LRP1: variants seen among roughly 807,000 people sequenced by gnomAD.
LRP1 encodes LDL receptor related protein 1, also known as prolow-density lipoprotein receptor-related protein 1.
A neutral mutation model predicts 541.5 loss-of-function variants in LRP1; 51 were observed. The observed-to-expected ratio is 0.09, with a 90% CI of 0.08 to 0.12. LRP1 has a LOEUF of 0.12. LRP1 is among the 10% of genes least tolerant of loss of function. The pLI is 1.00. For missense variants in LRP1, 3,878 were observed against 6,376.2 expected (o/e 0.61, Z 13.34); for synonymous variants, 2,219 against 2,470.8 (o/e 0.90, Z 3.02).
At chr12:57,202,379 C>T in intron 67 of LRP1, 42 bp from the exon 68 acceptor site, 2 of 1,452,856 alleles carry the variant, frequency 1.4e-6, no homozygotes, top group Non-Finnish European at 1.9e-6. Flanking sequence ...TAATGTCTGC[C>T]CCAGCCCTTT....
Position 57,149,470 on chromosome 12 carries a change from C to T in LRP1, c.841+3980C>T, listed in dbSNP as rs76059164. 1,735 of 603,736 alleles carry T rather than the reference C, an allele frequency of 2.9e-3. 17 individuals carry two copies. The highest frequency in any genetic ancestry group is 0.028 in the African/African-American group (1,524 of 54,070). 37.4% of individuals were successfully genotyped at this position (603,736 alleles called of 1,614,324 possible). On this transcript the variant is annotated intron_variant, in intron 6 of 88. Coordinates refer to ENST00000243077, the MANE Select transcript of LRP1 (RefSeq NM_002332.3). ...CTCTCCACCCAGACTGCTCCCAGCA[C>T]TCCCCTTGCTGTTTTCAAGCCAAAG...
In LRP1 at chr12:57,154,600, C is replaced by A; in HGVS notation, c.1126C>A (p.Leu376Met). The change falls in exon 8 of 89, where the codon CTG (leucine) becomes ATG (methionine). Residue 376 changes from leucine to methionine, a missense_variant. This residue lies in a region of LRP1 where 496 missense variants were observed against 861.0 expected (regional missense o/e 0.58). Coordinates refer to ENST00000243077, the MANE Select transcript of LRP1 (RefSeq NM_002332.3). The surrounding 1 kb of genome is among the most constrained non-coding windows in gnomAD (Gnocchi z 4.6). ...IVFPHGITLD[L>M]VSRLVYWADA... is the part of the protein sequence containing the mutation. ...GTTTCCTCATGGCATCACGCTGGAC[C>A]TGGTCAGCCGCCTTGTCTACTGGGC... 6.2e-7 allele frequency: 1 copy of A among 1,612,476 alleles called. No individual in the cohort carries two copies. Among genetic ancestry groups the A allele is most frequent in the Non-Finnish European group, 8.5e-7 (1 of 1,179,244 alleles).
intron 1 of LRP1, among the ~76,000 whole-genome samples, chr12:57,132,929 C>T (rs1010166476): frequency 2.0e-5 from 3 of 152,176 alleles, no homozygotes; most frequent in Non-Finnish European, 4.4e-5. Flanking sequence ...CAGTTCAGCA[C>T]CAAAAGTTTC....
In LRP1 at chr12:57,204,352, G is replaced by A. The variant is rs1003869092; in HGVS notation, c.10952-58G>A. On this transcript the variant is annotated intron_variant, in intron 70 of 88. Transcript: ENST00000243077. The surrounding 1 kb of genome is among the most constrained non-coding windows in gnomAD (Gnocchi z 5.3). ...TGAGCCTGGAACCCCCACCTGTGGA[G>A]ACAGGGGTCTGGGTGGGCTCATGGC... The A allele has an allele frequency of 1.5e-4, 219 of 1,467,804 alleles. No individual in the cohort carries two copies. Among genetic ancestry groups the A allele is most frequent in the Non-Finnish European group, 1.9e-4 (209 of 1,108,260 alleles). The allele number at this position is 1,467,804 out of a possible 1,614,324, so 90.9% of individuals were successfully genotyped here. A position where few individuals can be genotyped will look rare whatever the true frequency, so the allele number is the denominator to read the frequency against.
rs774125002 is a variant in LRP1, at chr12:57,201,663, G to A, written c.10468+44G>A. ...AGCCCAGCTTCCCTCCCCAGTGTCT[G>A]CTGCTCACACCACCCCGACGTGTGA... On this transcript the variant is annotated intron_variant, in intron 66 of 88. Transcript: ENST00000243077. This position sits in a 1 kb window ranked among gnomAD's most constrained non-coding sequence, Gnocchi z 6.4. 17 of 1,601,664 alleles carry A rather than the reference G, an allele frequency of 1.1e-5. No individual in the cohort carries two copies. Among genetic ancestry groups the A allele is most frequent in the Non-Finnish European group, 1.5e-5 (17 of 1,171,304 alleles).
chr12:57,208,295 T>G (rs2036831138), intron 77 of LRP1, 79 bp downstream of exon 77: 1 of 1,450,474 alleles, frequency 6.9e-7, no homozygotes, highest in Non-Finnish European at 9.4e-7. Flanking sequence ...TGCACCCACA[T>G]GCGTGCCCTT....
chr12:57,211,767 C>T lies in LRP1; in HGVS notation c.13211C>T (p.Thr4404Ile). 2 of 1,613,268 alleles carry T rather than the reference C, an allele frequency of 1.2e-6. No homozygotes were observed. Among genetic ancestry groups the T allele is most frequent in the Non-Finnish European group, 1.7e-6 (2 of 1,179,974 alleles). ...TTCTGCAGGTGCCCACCCCACATGACAGGGCCCCGGTGTGAGGAGCACGTC... is the reference window on the plus strand; with the variant it reads ...TTCTGCAGGTGCCCACCCCACATGATAGGGCCCCGGTGTGAGGAGCACGTC... ...MPECQCPPHM[T>I]GPRCEEHVFS... Residue 4404 changes from threonine (T) to isoleucine (I), a missense_variant, in exon 86 of 89, where the codon ACA (threonine) becomes ATA (isoleucine). Physicochemically the swap from Thr to Ile is moderately conservative, Grantham distance 89. This residue lies in a region of LRP1 where 871 missense variants were observed against 1,212.4 expected (regional missense o/e 0.72). Coordinates refer to ENST00000243077, the MANE Select transcript of LRP1 (RefSeq NM_002332.3). The surrounding 1 kb of genome is among the most constrained non-coding windows in gnomAD (Gnocchi z 4.3).
chr12:57,197,085 C>G lies in LRP1; in HGVS notation c.8996C>G (p.Thr2999Ser). ...TFPCSQRCIN[T>S]HGSYKCLCVE... ...CCCTGCAGCCAGCGCTGCATCAACA[C>G]TCATGGCAGCTATAAGTGTCTGTGT... Residue 2999 changes from threonine (T) to serine (S), a missense_variant, in exon 56 of 89, where the codon ACT becomes AGT. Transcript: ENST00000243077. This position sits in a 1 kb window ranked among gnomAD's most constrained non-coding sequence, Gnocchi z 4.5. 6.2e-7 allele frequency: 1 copy of G among 1,614,120 alleles called. No individual in the cohort carries two copies. The highest frequency in any genetic ancestry group is 2.2e-5 in the East Asian group (1 of 44,882).
At position 57,166,949 on chromosome 12, in the gene LRP1, C is replaced by T; in HGVS notation, c.2817C>T (p.Asn939=). Residue 939 remains asparagine, a synonymous_variant, in exon 18 of 89, where the codon AAC becomes AAT. Coordinates refer to ENST00000243077, the MANE Select transcript of LRP1 (RefSeq NM_002332.3). ...CCCCAGCCCGCACCTGCCCCCCCAA[C>T]CAGTTCTCCTGTGCCAGTGGCCGCT... ...ATCSARTCPP[N]QFSCASGRCI... 6.2e-7 allele frequency: 1 copy of T among 1,613,828 alleles called. No homozygotes were observed. Among genetic ancestry groups the T allele is most frequent in the Non-Finnish European group, 8.5e-7 (1 of 1,179,702 alleles).
At chr12:57,136,982 C>G (rs952412567) in intron 1 of LRP1, among the ~76,000 whole-genome samples, 1 of 152,204 alleles carries the variant, frequency 6.6e-6, no homozygotes, top group Admixed American at 6.5e-5. Context: ...TGGCTCACGC[C>G]TGTAATCCCA....
rs1198981502 is a variant in LRP1, at chr12:57,197,532, TC to T, written c.9163-9del. On this transcript the variant is annotated splice_polypyrimidine_tract_variant and intron_variant, in intron 57 of 88. Transcript: ENST00000243077. This position sits in a 1 kb window ranked among gnomAD's most constrained non-coding sequence, Gnocchi z 4.5. ...ACAACCGACTTCTGCTGTCCTTCAC[TC>T]CCCAAATCCAGGGCCTGAACAACGC... is the stretch of plus-strand genomic sequence containing the variant. 1.2e-6 allele frequency: 2 copies of T among 1,613,794 alleles called. No homozygotes were observed. The highest frequency in any genetic ancestry group is 1.7e-6 in the Non-Finnish European group (2 of 1,179,964).
In LRP1 at chr12:57,195,081, C is replaced by T; in HGVS notation, c.8288C>T (p.Ser2763Leu). ...CDGSDDCGDG[S>L]DEAAHCEGKT... ...GGCAGCGATGACTGTGGGGATGGCTCAGACGAGGCTGCTCACTGTGGTAAG... is the reference window on the plus strand; with the variant it reads ...GGCAGCGATGACTGTGGGGATGGCTTAGACGAGGCTGCTCACTGTGGTAAG... The change falls in exon 51 of 89, where the codon TCA becomes TTA. Residue 2763 changes from serine (S) to leucine (L), a missense_variant. Physicochemically the swap from Ser to Leu is moderately radical, Grantham distance 145. Transcript: ENST00000243077. 6.2e-7 allele frequency: 1 copy of T among 1,613,894 alleles called. No homozygotes were observed. The highest frequency in any genetic ancestry group is 1.1e-5 in the South Asian group (1 of 91,074).
intron 15 of LRP1, chr12:57,164,610 G>T (rs1399804267): frequency 6.6e-6 from 1 of 152,140 alleles, no homozygotes; most frequent in African/African-American, 2.4e-5. Context: ...GGGAAAAGTG[G>T]TTTTATTATC....
intron 17 of LRP1, among the ~76,000 whole-genome samples, chr12:57,166,570 A>G (rs2035844396): frequency 6.6e-6 from 1 of 152,098 alleles, no homozygotes; most frequent in Non-Finnish European, 1.5e-5. Flanking sequence ...TAAAAATAAA[A>G]TGAAAGGAGC....
Position 57,128,555 on chromosome 12 carries a change from A to C in LRP1, c.-410A>C. On this transcript the variant is annotated 5_prime_UTR_variant, in exon 1 of 89. Transcript: ENST00000243077. ...GGAGGCGGAAACAAGGGGAGCCCCC[A>C]GAGCTCCATCAAGCCCCCTCCAAAG... is the stretch of plus-strand genomic sequence containing the variant. 3.0e-6 allele frequency: 1 copy of C among 329,166 alleles called. No homozygotes were observed. Among genetic ancestry groups the C allele is most frequent in the Non-Finnish European group, 5.4e-6 (1 of 183,824 alleles). 20.4% of individuals were successfully genotyped at this position (329,166 alleles called of 1,614,324 possible). A position where few individuals can be genotyped will look rare whatever the true frequency, so the allele number is the denominator to read the frequency against.
At chr12:57,180,250 G>A (rs2036136753) in intron 31 of LRP1, 80 bp from the exon 32 acceptor site, 1 of 1,586,144 alleles carries the variant, frequency 6.3e-7, no homozygotes. Flanking sequence ...CTAGCTTAGT[G>A]CCTGTTCTCA....
Position 57,173,132 on chromosome 12 carries a change from C to G in LRP1, c.3164-36C>G. 6.4e-7 allele frequency: 1 copy of G among 1,552,870 alleles called. No homozygotes were observed. The highest frequency in any genetic ancestry group is 8.7e-7 in the Non-Finnish European group (1 of 1,145,122). ...GATGAGGAGGGCTGACCTGGGCAAC[C>G]CCTCCCTCCTGAGGCCCTCCACTGT... On this transcript the variant is annotated intron_variant, in intron 20 of 88. Transcript: ENST00000243077. The surrounding 1 kb of genome is among the most constrained non-coding windows in gnomAD (Gnocchi z 4.7).
Position 57,210,332 on chromosome 12 carries a change from G to A in LRP1, c.12606G>A (p.Leu4202=). 1 of 1,577,374 alleles carries A rather than the reference G, an allele frequency of 6.3e-7. No individual in the cohort carries two copies. The change falls in exon 82 of 89, where the codon CTG becomes CTA. Residue 4202 remains leucine (L), a synonymous_variant. Coordinates refer to ENST00000243077, the MANE Select transcript of LRP1 (RefSeq NM_002332.3). The stretch of plus-strand genomic sequence containing the variant: ...CTCCCCGGCCTGGAACCTGTAACCT[G>A]CAGTGCTTCAACGGTGGCAGCTGTT... ...PDAPRPGTCN[L]QCFNGGSCFL... is the part of the protein sequence containing the mutation.
Position 57,173,301 on chromosome 12 carries a change from A to G in LRP1, c.3297A>G (p.Gly1099=). Residue 1099 remains glycine (G), a synonymous_variant, in exon 21 of 89, where the codon GGA becomes GGG. Coordinates refer to ENST00000243077, the MANE Select transcript of LRP1 (RefSeq NM_002332.3). This position sits in a 1 kb window ranked among gnomAD's most constrained non-coding sequence, Gnocchi z 4.7. ...CCAGCGATGAGAAGAGCTGTGAGGG[A>G]GTGACCCACGTCTGCGATCCCAGTG... ...MDSSDEKSCE[G]VTHVCDPSVK... is the part of the protein sequence containing the mutation. 1 of 1,614,070 alleles carries G rather than the reference A, an allele frequency of 6.2e-7. No individual in the cohort carries two copies. The highest frequency in any genetic ancestry group is 8.5e-7 in the Non-Finnish European group (1 of 1,179,986).
Sources: allele counts gnomAD v4.1 joint callset (sites outside exome capture counted in the v4.1 genomes callset), GRCh38; gene constraint gnomAD v4.1.1; regional missense constraint gnomAD v4.1.1; non-coding constraint Gnocchi (gnomAD v3.1); transcripts MANE v1.5; gene names NCBI Gene and HGNC (gene_info 2026-07-23, HGNC 2026-07-21).